The following COL5A3 variants were observed in gnomAD, a reference collection of about 807,000 sequenced individuals.
The protein encoded by COL5A3 is collagen type V alpha 3 chain, also known as collagen alpha-3(V) chain.
A neutral mutation model predicts 250.0 loss-of-function variants in COL5A3; 172 were observed. The observed-to-expected ratio is 0.69, with a 90% CI of 0.61 to 0.78. The LOEUF is 0.78. Among genes scored for constraint, COL5A3 ranks in the 30% least tolerant of loss-of-function variants. The probability of loss-of-function intolerance (pLI) is 0.00; values close to 1 mark genes in which losing one functional copy is unlikely to be tolerated. For missense variants in COL5A3, 2,340 were observed against 2,334.4 expected (o/e 1.00, Z -0.05); for synonymous variants, 937 against 900.4 (o/e 1.04, Z -0.73).
intron 27 of COL5A3, among the ~76,000 whole-genome samples, chr19:9,987,756 GAATAAT>G (rs541007563): frequency 6.6e-6 from 1 of 151,466 alleles, no homozygotes. Context: ...CCTGTCTCAA[GAATAAT>G]AATAATAATA....
chr19:9,994,739 G>A (rs1599220616), intron 16 of COL5A3, among the ~76,000 whole-genome samples: 1 of 150,990 alleles, frequency 6.6e-6, no homozygotes, highest in Non-Finnish European at 1.5e-5. Context: ...CCCAGGCTAT[G>A]CGGTATAACC....
At chr19:9,977,501 C>A in intron 42 of COL5A3, 29 bp from the exon 43 acceptor site, 1 of 1,501,084 alleles carries the variant, frequency 6.7e-7, no homozygotes, top group Non-Finnish European at 8.9e-7. Flanking sequence ...AGGGGGATGT[C>A]AGGGCAGGAA....
chr19:9,976,382 T>G (rs1185084824), intron 45 of COL5A3, among the ~76,000 whole-genome samples, 176 bp downstream of exon 45: 1 of 147,598 alleles, frequency 6.8e-6, no homozygotes, highest in Non-Finnish European at 1.5e-5. Context: ...GACAACATGG[T>G]TGGGTTGGGA....
At chr19:9,994,671 T>A (rs536945107) in intron 16 of COL5A3, among the ~76,000 whole-genome samples, 2 of 142,794 alleles carry the variant, frequency 1.4e-5, no homozygotes, top group Non-Finnish European at 3.0e-5. Flanking sequence ...AATTTTGTCA[T>A]TGTGTGAACA....
intron 11 of COL5A3, chr19:9,996,938 G>A: frequency 3.6e-6 from 2 of 548,004 alleles, no homozygotes; most frequent in South Asian, 4.9e-5. Flanking sequence ...GGCAGATGGA[G>A]AGACATACAG....
rs1284238734 is a variant in COL5A3, at chr19:9,968,054, A to T, written c.4340T>A (p.Leu1447Gln). 5.0e-6 allele frequency: 8 copies of T among 1,590,542 alleles called. No homozygotes were observed. The highest frequency in any genetic ancestry group is 3.3e-4 in the Middle Eastern group (2 of 5,996). ...DPGPPGPIGS[L>Q]GHPGPPGVAG... Reference sequence around the variant, plus strand: ...CACACCTGGGGGCCCAGGGTGGCCCAGAGAGCCAATGGGACCAGGGGGACC... The same window carrying T: ...CACACCTGGGGGCCCAGGGTGGCCCTGAGAGCCAATGGGACCAGGGGGACC... The change falls in exon 60 of 67, where the codon CTG (leucine) becomes CAG (glutamine). Residue 1447 changes from leucine to glutamine, a missense_variant. This residue lies in a region of COL5A3 where 1,179 missense variants were observed against 1,162.6 expected (regional missense o/e 1.01). Transcript: ENST00000264828. The surrounding 1 kb of genome is among the most constrained non-coding windows in gnomAD (Gnocchi z 4.1).
chr19:9,961,288 T>C (rs932630943), intron 65 of COL5A3, among the ~76,000 whole-genome samples: 2 of 152,198 alleles, frequency 1.3e-5, no homozygotes, highest in African/African-American at 4.8e-5. Context: ...ACATGTCTAA[T>C]AGCCACGTGG....
chr19:9,978,398 A>T (rs2086953577), intron 41 of COL5A3, among the ~76,000 whole-genome samples, 176 bp downstream of exon 41: 1 of 151,822 alleles, frequency 6.6e-6, no homozygotes, highest in Non-Finnish European at 1.5e-5. Flanking sequence ...TAATTTTTGT[A>T]TTTTTAGTAG....
chr19:9,968,741 C>T lies in COL5A3; in HGVS notation c.4153-13G>A, dbSNP rs989994910. The T allele has an allele frequency of 6.2e-7, 1 of 1,606,272 alleles. No homozygotes were observed. Among genetic ancestry groups the T allele is most frequent in the East Asian group, 2.2e-5 (1 of 44,606 alleles). On this transcript the variant is annotated splice_polypyrimidine_tract_variant and intron_variant, in intron 57 of 66. Transcript: ENST00000264828. The surrounding 1 kb of genome is among the most constrained non-coding windows in gnomAD (Gnocchi z 4.1). Reference sequence around the variant, plus strand: ...GGCCAGAGGGCCCCTGGGAGAAGAGCAAGGGTCAGTTAGGGATTCTCAAAT... The same window carrying T: ...GGCCAGAGGGCCCCTGGGAGAAGAGTAAGGGTCAGTTAGGGATTCTCAAAT...
At chr19:10,005,453 A>G in intron 4 of COL5A3, 105 bp downstream of exon 4, 1 of 1,175,288 alleles carries the variant, frequency 8.5e-7, no homozygotes. Context: ...TCCTGGGGAT[A>G]GATTGAAGCT....
chr19:9,997,883 T>C, intron 10 of COL5A3, 101 bp downstream of exon 10: 1 of 1,300,724 alleles, frequency 7.7e-7, no homozygotes, highest in Non-Finnish European at 1.1e-6. Context: ...TACCCTCCAC[T>C]TGGCCAGGCA....
chr19:9,970,423 TAAGGTGAGTGGGG>T (rs2086823799), intron 54 of COL5A3, among the ~76,000 whole-genome samples, 186 bp downstream of exon 54: 1 of 38,048 alleles, frequency 2.6e-5, no homozygotes. Context: ...GTGGGGGCTG[TAAGGTGAGTGGGG>T]TCTGTGGGTG....
In COL5A3 at chr19:9,993,369, T is replaced by A. The variant is rs1169444553; in HGVS notation, c.1749+11A>T. 6.2e-7 allele frequency: 1 copy of A among 1,613,844 alleles called. No homozygotes were observed. Among genetic ancestry groups the A allele is most frequent in the African/African-American group, 1.3e-5 (1 of 74,894 alleles). ...TTTCCAAACCAGGCCCTAACTCTCT[T>A]CCAAACTTACCCTCTCACCATCCTC... On this transcript the variant is annotated intron_variant, in intron 19 of 66. Coordinates refer to ENST00000264828, the MANE Select transcript of COL5A3 (RefSeq NM_015719.4).
rs368439579 is a variant in COL5A3 at position 10,003,294 on chromosome 19, C to T, written c.849+271G>A. Among the ~76,000 whole-genome samples, 2 of 152,286 alleles carry T rather than the reference C, an allele frequency of 1.3e-5. 1 individual carries two copies. ...CTGGGTCTGTCCCCTCCCTCTAGTG[C>T]CCCAGGACTGGAGATTGAGGGGGTC... On this transcript the variant is annotated intron_variant, in intron 6 of 66. Coordinates refer to ENST00000264828, the MANE Select transcript of COL5A3 (RefSeq NM_015719.4).
chr19:9,971,771 C>T (rs1307467099), intron 51 of COL5A3, among the ~76,000 whole-genome samples: 3 of 152,196 alleles, frequency 2.0e-5, no homozygotes, highest in African/African-American at 7.2e-5. Context: ...CCCAATTCAA[C>T]CTTAATCTTT....
Position 9,968,754 on chromosome 19 carries a change from G to C in COL5A3, c.4153-26C>G. On this transcript the variant is annotated intron_variant, in intron 57 of 66. Coordinates refer to ENST00000264828, the MANE Select transcript of COL5A3 (RefSeq NM_015719.4). The surrounding 1 kb of genome is among the most constrained non-coding windows in gnomAD (Gnocchi z 4.1). ...CTGGGAGAAGAGCAAGGGTCAGTTAGGGATTCTCAAATGTGAACTCGAGGT... is the reference window on the plus strand; with the variant it reads ...CTGGGAGAAGAGCAAGGGTCAGTTACGGATTCTCAAATGTGAACTCGAGGT... The C allele has an allele frequency of 1.2e-6, 2 of 1,601,840 alleles. No homozygotes were observed. Among genetic ancestry groups the C allele is most frequent in the East Asian group, 2.2e-5 (1 of 44,570 alleles).
Position 9,968,407 on chromosome 19 carries a change from G to T in COL5A3, c.4292C>A (p.Pro1431His). The T allele has an allele frequency of 6.3e-7, 1 of 1,591,610 alleles. No individual in the cohort carries two copies. Among genetic ancestry groups the T allele is most frequent in the Non-Finnish European group, 8.5e-7 (1 of 1,174,404 alleles). ...CACAGGGTCTCCCTTGGGACCAGGG[G>T]GTCCCTGCACGCCTGGCAACCCCTG... ...GDQGLPGVQG[P>H]PGPKGDPGPP... Residue 1431 changes from proline (P) to histidine (H), a missense_variant, in exon 59 of 67, where the codon CCC becomes CAC. By Grantham distance (77) the Pro-to-His change is moderately conservative (BLOSUM62 -2). Around this residue, in one of 3 missense-constraint regions of COL5A3, gnomAD observed 1,179 missense variants for 1,162.6 expected, o/e 1.01. Coordinates refer to ENST00000264828, the MANE Select transcript of COL5A3 (RefSeq NM_015719.4). This position sits in a 1 kb window ranked among gnomAD's most constrained non-coding sequence, Gnocchi z 4.1.
chr19:10,004,119 G>T lies in COL5A3; in HGVS notation c.621C>A (p.Ser207Arg). The T allele has an allele frequency of 6.2e-7, 1 of 1,613,922 alleles. No individual in the cohort carries two copies. The highest frequency in any genetic ancestry group is 1.3e-5 in the African/African-American group (1 of 74,988). The change falls in exon 5 of 67, where the codon AGC becomes AGA. Residue 207 changes from serine to arginine, a missense_variant. By Grantham distance (110) the Ser-to-Arg change is moderately radical (BLOSUM62 -1). This residue lies in a region of COL5A3 where 1,152 missense variants were observed against 1,146.3 expected (regional missense o/e 1.00). Transcript: ENST00000264828. ...FEGDIQELLI[S>R]PDPQAAFQAC... ...CCTGGAAGGCAGCCTGAGGATCTGG[G>T]CTTATCAGCAGCTCCTGAATGTCTC...
chr19:9,997,351 C>G lies in COL5A3; in HGVS notation c.1263+20G>C, dbSNP rs2087287648. The G allele has an allele frequency of 6.3e-7, 1 of 1,592,250 alleles. No homozygotes were observed. The highest frequency in any genetic ancestry group is 1.7e-5 in the Admixed American group (1 of 58,766). ...ACCTCACTCCTCTGAGAAGTGTACACCCCAGTGGGAGTCTCTTACCGGTGG... is the reference window on the plus strand; with the variant it reads ...ACCTCACTCCTCTGAGAAGTGTACAGCCCAGTGGGAGTCTCTTACCGGTGG... On this transcript the variant is annotated intron_variant, in intron 11 of 66. Transcript: ENST00000264828.
Sources: allele counts gnomAD v4.1 joint callset (sites outside exome capture counted in the v4.1 genomes callset), GRCh38; gene constraint gnomAD v4.1.1; regional missense constraint gnomAD v4.1.1; non-coding constraint Gnocchi (gnomAD v3.1); transcripts MANE v1.5; gene names NCBI Gene and HGNC (gene_info 2026-07-23, HGNC 2026-07-21).